Variants in ERC2 observed in about 807,000 individuals in gnomAD.
The protein encoded by ERC2 is ELKS/RAB6-interacting/CAST family member 2, also known as ERC protein 2.
ERC2 carries 42 observed loss-of-function variants against 114.8 expected under a neutral mutation model. The ratio of observed to expected loss-of-function variants is 0.37; its 90% CI spans 0.29 to 0.47. The LOEUF (loss-of-function observed/expected upper bound fraction) is 0.47, where lower values mean the gene tolerates loss of function less well. ERC2 is among the 20% of genes least tolerant of loss of function. ERC2 has a pLI of 0.99. For missense variants in ERC2, 939 were observed against 1,150.7 expected (o/e 0.82, Z 2.66); for synonymous variants, 454 against 425.5 (o/e 1.07, Z -0.82).
At position 55,699,432 on chromosome 3, in the gene ERC2, G is replaced by T; in HGVS notation, c.2793C>A (p.His931Gln). 1 of 1,613,806 alleles carries T rather than the reference G, an allele frequency of 6.2e-7. No homozygotes were observed. Among genetic ancestry groups the T allele is most frequent in the Non-Finnish European group, 8.5e-7 (1 of 1,179,804 alleles). The change falls in exon 16 of 18, where the codon CAC (histidine) becomes CAA (glutamine). Residue 931 changes from histidine (H) to glutamine (Q), a missense_variant. Around this residue, in one of 5 missense-constraint regions of ERC2, gnomAD observed 328 missense variants for 353.9 expected, o/e 0.93. Transcript: ENST00000288221. The part of the protein sequence containing the change: ...HHYHHHHHHH[H>Q]HRSPGRSQHS... The stretch of plus-strand genomic sequence containing the variant: ...GTTGCGACCTCCCAGGAGATCGATG[G>T]TGGTGGTGATGGTGGTGGTGGTGGT...
chr3:55,899,524 T>G (rs566411069), intron 13 of ERC2, among the ~76,000 whole-genome samples: 1 of 151,644 alleles, frequency 6.6e-6, no homozygotes, highest in Non-Finnish European at 1.5e-5. Flanking sequence ...AGAGAGAGAG[T>G]GTGTGTGTGA....
At chr3:56,059,239 C>T (rs376332868) in intron 7 of ERC2, among the ~76,000 whole-genome samples, 1 of 151,956 alleles carries the variant, frequency 6.6e-6, no homozygotes, top group African/African-American at 2.4e-5. Context: ...TATTGGCGCC[C>T]GCCAACATGC....
chr3:55,868,248 C>G (rs1240629534), intron 14 of ERC2, among the ~76,000 whole-genome samples: 2 of 152,190 alleles, frequency 1.3e-5, no homozygotes, highest in African/African-American at 2.4e-5. Flanking sequence ...AGTGCACAGT[C>G]AAGTCCTGCA....
At chr3:55,703,205 T>C (rs918069170) in intron 15 of ERC2, among the ~76,000 whole-genome samples, 1 of 152,142 alleles carries the variant, frequency 6.6e-6, no homozygotes, top group African/African-American at 2.4e-5. Flanking sequence ...GGATTCAAGT[T>C]CTTGGGAGGC....
intron 17 of ERC2, among the ~76,000 whole-genome samples, chr3:55,558,547 A>C (rs539571073): frequency 6.6e-6 from 1 of 152,362 alleles, no homozygotes; most frequent in South Asian, 2.1e-4. Flanking sequence ...AGGCTGGAGT[A>C]AATGTGGCCA....
intron 12 of ERC2, among the ~76,000 whole-genome samples, chr3:55,975,819 C>T (rs1369864138): frequency 6.6e-6 from 1 of 152,128 alleles, no homozygotes; most frequent in African/African-American, 2.4e-5. Flanking sequence ...TCTGAGCATG[C>T]CTTCTATCTT....
rs368179121 is a variant in ERC2 at position 55,699,471 on chromosome 3, A to G, written c.2754T>C (p.Asp918=). 2.5e-6 allele frequency: 4 copies of G among 1,613,244 alleles called. No homozygotes were observed. The highest frequency in any genetic ancestry group is 3.4e-6 in the Non-Finnish European group (4 of 1,179,614). ...RMKLMADNYD[D]DHHHYHHHHH... is the part of the protein sequence containing the mutation. ...GGTGGTGGTGGTAATGGTGATGGTCATCATCATAGTTGTCTGCCATCAACT... is the reference window on the plus strand; with the variant it reads ...GGTGGTGGTGGTAATGGTGATGGTCGTCATCATAGTTGTCTGCCATCAACT... The change falls in exon 16 of 18, where the codon GAT becomes GAC. Residue 918 remains aspartate, a synonymous_variant. Transcript: ENST00000288221.
Position 56,031,551 on chromosome 3 carries a change from T to C in ERC2, c.1642-12520A>G, listed in dbSNP as rs183885002. On this transcript the variant is annotated intron_variant, in intron 7 of 17. Coordinates refer to ENST00000288221, the MANE Select transcript of ERC2 (RefSeq NM_015576.3). ...AAGACTAGAAAAGGAGTCTACTTCT[T>C]CAAATGTGCAGACAAAAATTCAAGG... Among the ~76,000 whole-genome samples, 4 of 152,304 alleles carry C rather than the reference T, an allele frequency of 2.6e-5. No homozygotes were observed. In the East Asian group the frequency reaches 7.7e-4, roughly 29 times the overall value.
At position 55,683,846 on chromosome 3, in the gene ERC2, C is replaced by G; in HGVS notation, c.2861G>C (p.Gly954Ala). The change falls in exon 17 of 18, where the codon GGC becomes GCC. Residue 954 changes from glycine (G) to alanine (A), a missense_variant. Transcript: ENST00000288221. ...RPSPDQDDEE[G>A]IWA ...TTACAGGCCCGGCTATGCCCATATGCCCTCCTCGTCATCCTGCGGCCGGCC... is the reference window on the plus strand; with the variant it reads ...TTACAGGCCCGGCTATGCCCATATGGCCTCCTCGTCATCCTGCGGCCGGCC... The G allele has an allele frequency of 6.2e-7, 1 of 1,612,766 alleles. No individual in the cohort carries two copies. Among genetic ancestry groups the G allele is most frequent in the Non-Finnish European group, 8.5e-7 (1 of 1,179,442 alleles).
intron 6 of ERC2, among the ~76,000 whole-genome samples, chr3:56,084,218 T>G (rs2077388107): frequency 6.6e-6 from 1 of 152,116 alleles, no homozygotes; most frequent in African/African-American, 2.4e-5. Context: ...AAACAATAGA[T>G]GTTGGCTTGG....
intron 2 of ERC2, among the ~76,000 whole-genome samples, chr3:56,355,307 T>G (rs2058704031): frequency 6.7e-6 from 1 of 149,888 alleles, no homozygotes; most frequent in Non-Finnish European, 1.5e-5. Context: ...TGTTTTCTTT[T>G]TCTTTTTCTT....
intron 17 of ERC2, among the ~76,000 whole-genome samples, chr3:55,683,438 A>C (rs921768817): frequency 2.0e-5 from 3 of 152,238 alleles, no homozygotes; most frequent in Admixed American, 6.5e-5. Context: ...CAGTCGGCTG[A>C]AAACCACGAC....
intron 3 of ERC2, among the ~76,000 whole-genome samples, chr3:56,226,421 G>A (rs781436591): frequency 6.6e-6 from 1 of 152,132 alleles, no homozygotes; most frequent in East Asian, 1.9e-4. Flanking sequence ...ACGAAAAGTG[G>A]TTATTAAAAG....
At chr3:55,574,733 T>A (rs1463369694) in intron 17 of ERC2, among the ~76,000 whole-genome samples, 1 of 152,200 alleles carries the variant, frequency 6.6e-6, no homozygotes. Context: ...CTACCATGAC[T>A]GAGAAGGCTC....
chr3:56,372,455 T>C (rs1280263614), intron 2 of ERC2, among the ~76,000 whole-genome samples: 1 of 152,020 alleles, frequency 6.6e-6, no homozygotes, highest in Non-Finnish European at 1.5e-5. Flanking sequence ...TGGCCAGGTG[T>C]GGTGGCTCAC....
rs1189001998 is a variant in ERC2 at position 56,296,364 on chromosome 3, C to T, written c.729G>A (p.Gln243=). The T allele has an allele frequency of 6.2e-7, 1 of 1,614,026 alleles. No individual in the cohort carries two copies. Among genetic ancestry groups the T allele is most frequent in the Non-Finnish European group, 8.5e-7 (1 of 1,179,894 alleles). The change falls in exon 3 of 18, where the codon CAG becomes CAA. Residue 243 remains glutamine (Q), a synonymous_variant. Transcript: ENST00000288221. ...CCGCTCCTCGGTTGCCACTCTCTTG[C>T]TGGAGGAGGTGGTTGAGGTCTCTCT... The part of the protein sequence containing the change: ...RTQRDLNHLL[Q]QESGNRGAEH...
At chr3:56,055,285 G>A (rs1298986685) in intron 7 of ERC2, among the ~76,000 whole-genome samples, 1 of 152,208 alleles carries the variant, frequency 6.6e-6, no homozygotes, top group Non-Finnish European at 1.5e-5. Context: ...CCCTGATGGG[G>A]AGGGCAGACT....
At chr3:55,996,503 T>C (rs1559993725) in intron 10 of ERC2, among the ~76,000 whole-genome samples, 1 of 152,152 alleles carries the variant, frequency 6.6e-6, no homozygotes, top group Admixed American at 6.5e-5. Context: ...TCTTAAAACA[T>C]TTAGAGCAAC....
At chr3:56,090,864 C>T (rs1186915371) in intron 6 of ERC2, among the ~76,000 whole-genome samples, 7 of 151,778 alleles carry the variant, frequency 4.6e-5, no homozygotes, top group Non-Finnish European at 7.4e-5. Flanking sequence ...ACCTAAGTAG[C>T]GATGAGAACC....
Sources: allele counts gnomAD v4.1 joint callset (sites outside exome capture counted in the v4.1 genomes callset), GRCh38; gene constraint gnomAD v4.1.1; regional missense constraint gnomAD v4.1.1; transcripts MANE v1.5; gene names NCBI Gene and HGNC (gene_info 2026-07-23, HGNC 2026-07-21).